Variants in SLC9C2 observed in about 807,000 individuals in gnomAD.
The protein encoded by SLC9C2 is sodium/hydrogen exchanger 11.
Under a neutral mutation model 140.2 loss-of-function variants are expected in SLC9C2, and 75 were observed. That is an observed-to-expected ratio of 0.53 (90% CI 0.44 to 0.65). The LOEUF is 0.65. Among genes scored for constraint, SLC9C2 ranks in the 30% least tolerant of loss-of-function variants. The probability of loss-of-function intolerance (pLI) is 0.00; values close to 1 mark genes in which losing one functional copy is unlikely to be tolerated. For synonymous variants in SLC9C2, 375 were observed against 420.9 expected (o/e 0.89, Z 1.34); for missense variants, 1,074 against 1,331.8 (o/e 0.81, Z 3.01).
At chr1:173,528,106 A>G (rs1339954275) in intron 18 of SLC9C2, among the ~76,000 whole-genome samples, 1 of 152,194 alleles carries the variant, frequency 6.6e-6, no homozygotes, top group Non-Finnish European at 1.5e-5. Flanking sequence ...ACAAAAGCGC[A>G]TGGGACCTGA....
chr1:173,543,384 G>A (rs573062622), intron 13 of SLC9C2, among the ~76,000 whole-genome samples: 32 of 152,310 alleles, frequency 2.1e-4, no homozygotes, highest in African/African-American at 7.5e-4. Context: ...AACATTTCAT[G>A]CTCATAGATA....
chr1:173,504,671 G>T (rs1281991975), intron 26 of SLC9C2, among the ~76,000 whole-genome samples: 5 of 152,052 alleles, frequency 3.3e-5, no homozygotes, highest in African/African-American at 7.2e-5. Context: ...TCTTGTGTGT[G>T]TTTTTTCTAG....
chr1:173,600,704 A>G (rs1324548682), intron 2 of SLC9C2, among the ~76,000 whole-genome samples: 1 of 152,068 alleles, frequency 6.6e-6, no homozygotes, highest in African/African-American at 2.4e-5. Flanking sequence ...TGTTTTTTAC[A>G]CTCTTTCTGC....
At chr1:173,563,513 G>T (rs1254169537) in intron 9 of SLC9C2, among the ~76,000 whole-genome samples, 1 of 151,804 alleles carries the variant, frequency 6.6e-6, no homozygotes, top group Non-Finnish European at 1.5e-5. Flanking sequence ...AACAATACAT[G>T]AATACTGAAA....
chr1:173,540,872 G>T (rs1002331840), intron 13 of SLC9C2, among the ~76,000 whole-genome samples: 1 of 152,072 alleles, frequency 6.6e-6, no homozygotes, highest in Non-Finnish European at 1.5e-5. Context: ...TTCTACAGCT[G>T]GCAAAGATCT....
rs1659679718 is a variant in SLC9C2 at position 173,506,908 on chromosome 1, T to A, written c.3173A>T (p.Lys1058Met). ...AGGTGCAAAATATGGTTCCTCTGTC[T>A]TAGTATCAATTACACTGCCATACAC... ...IIVYGSVIDT[K>M]TEEPYFAPCI... is the part of the protein sequence containing the mutation. Residue 1058 changes from lysine (K) to methionine (M), a missense_variant, in exon 25 of 28, where the codon AAG becomes ATG. Physicochemically the swap from Lys to Met is moderately conservative, Grantham distance 95. Coordinates refer to ENST00000367714, the MANE Select transcript of SLC9C2 (RefSeq NM_178527.4). 6.2e-7 allele frequency: 1 copy of A among 1,613,890 alleles called. No individual in the cohort carries two copies.
At chr1:173,581,065 C>T (rs759519607) in intron 7 of SLC9C2, among the ~76,000 whole-genome samples, 19 of 152,146 alleles carry the variant, frequency 1.2e-4, no homozygotes, top group Non-Finnish European at 2.2e-4. Context: ...GTGAGAAACC[C>T]TCAGGTGGCA....
At chr1:173,548,664 G>C in intron 11 of SLC9C2, 112 bp from the exon 12 acceptor site, 6 of 1,152,986 alleles carry the variant, frequency 5.2e-6, no homozygotes, top group Non-Finnish European at 7.5e-6. Context: ...CTGCAAACCA[G>C]AGTGGTTAGA....
intron 4 of SLC9C2, among the ~76,000 whole-genome samples, chr1:173,597,095 A>C (rs1318757251): frequency 1.3e-5 from 2 of 152,008 alleles, no homozygotes; most frequent in Non-Finnish European, 2.9e-5. Flanking sequence ...CAATAATTAG[A>C]GAACATATAT....
intron 4 of SLC9C2, among the ~76,000 whole-genome samples, chr1:173,594,486 G>T (rs1457926221): frequency 3.9e-5 from 6 of 152,138 alleles, no homozygotes; most frequent in Non-Finnish European, 7.3e-5. Context: ...AAAAATTCAG[G>T]AGAAAGGAAG....
chr1:173,528,935 C>T lies in SLC9C2; in HGVS notation c.2313+970G>A, dbSNP rs114087684. On this transcript the variant is annotated intron_variant, in intron 18 of 27. Transcript: ENST00000367714. ...CAAACACAATGAATAGGAGAGTGAACCCCAAGGAAGCAGAATTAACACAGG... is the reference window on the plus strand; with the variant it reads ...CAAACACAATGAATAGGAGAGTGAATCCCAAGGAAGCAGAATTAACACAGG... 8.8e-3 allele frequency among the ~76,000 whole-genome samples: 1,339 copies of T among 152,018 alleles called. 21 individuals carry two copies. Among genetic ancestry groups the T allele is most frequent in the African/African-American group, 0.031 (1,288 of 41,432 alleles).
chr1:173,530,335 C>G (rs1348441213), intron 17 of SLC9C2, among the ~76,000 whole-genome samples: 1 of 152,158 alleles, frequency 6.6e-6, no homozygotes. Context: ...ATAACTGACT[C>G]TTGCTTTAGG....
chr1:173,544,414 T>C (rs1662684164), intron 13 of SLC9C2, among the ~76,000 whole-genome samples: 1 of 152,148 alleles, frequency 6.6e-6, no homozygotes, highest in African/African-American at 2.4e-5. Context: ...TTGGTGGGAG[T>C]GTAAACTAGT....
chr1:173,552,667 C>G (rs1381236530), intron 11 of SLC9C2, among the ~76,000 whole-genome samples: 1 of 152,148 alleles, frequency 6.6e-6, no homozygotes, highest in Non-Finnish European at 1.5e-5. Context: ...TTTAAGCTCA[C>G]TATTGATATC....
chr1:173,537,608 G>GTA (rs1302746202), intron 13 of SLC9C2, among the ~76,000 whole-genome samples: 3 of 151,326 alleles, frequency 2.0e-5, no homozygotes, highest in Non-Finnish European at 4.4e-5. Flanking sequence ...GTATATATAT[G>GTA]TATATATATG....
intron 10 of SLC9C2, among the ~76,000 whole-genome samples, chr1:173,555,597 G>A (rs1663620631): frequency 6.6e-6 from 1 of 152,216 alleles, no homozygotes; most frequent in Non-Finnish European, 1.5e-5. Flanking sequence ...CCAGGTGCTA[G>A]TTAACTTCTC....
At chr1:173,586,945 A>T (rs1478000327) in intron 5 of SLC9C2, among the ~76,000 whole-genome samples, 4 of 152,138 alleles carry the variant, frequency 2.6e-5, no homozygotes, top group Non-Finnish European at 4.4e-5. Flanking sequence ...ACCATGGCAC[A>T]CATATACCTA....
intron 23 of SLC9C2, among the ~76,000 whole-genome samples, chr1:173,513,320 A>C (rs1163325511): frequency 6.6e-6 from 1 of 152,020 alleles, no homozygotes; most frequent in Admixed American, 6.5e-5. Context: ...GCAGGCTATT[A>C]ATTACTGCTT....
chr1:173,552,662 G>C (rs1323403459), intron 11 of SLC9C2, among the ~76,000 whole-genome samples: 1 of 152,088 alleles, frequency 6.6e-6, no homozygotes, highest in Non-Finnish European at 1.5e-5. Flanking sequence ...AATATTTTAA[G>C]CTCACTATTG....
Sources: gnomAD v4.1 joint callset for allele counts (sites outside exome capture counted in the v4.1 genomes callset) on GRCh38, gnomAD v4.1.1 for gene constraint, MANE v1.5 for transcripts, NCBI Gene and HGNC (gene_info 2026-07-23, HGNC 2026-07-21) for gene names.